Variants in KIAA1328 observed in about 807,000 individuals in gnomAD.
The protein encoded by KIAA1328 is protein hinderin.
A neutral mutation model predicts 68.1 loss-of-function variants in KIAA1328; 52 were observed. That is an observed-to-expected ratio of 0.76 (90% CI 0.61 to 0.96). KIAA1328 has a LOEUF of 0.96. Ranked by LOEUF, KIAA1328 falls within the 40% of genes least tolerant of loss-of-function variation. The probability of loss-of-function intolerance (pLI) is 0.00; values close to 1 mark genes in which losing one functional copy is unlikely to be tolerated. For missense variants in KIAA1328, 641 were observed against 677.6 expected (o/e 0.95, Z 0.60); for synonymous variants, 232 against 239.4 (o/e 0.97, Z 0.28).
chr18:37,068,822 A>G (rs906850698), intron 7 of KIAA1328, among the ~76,000 whole-genome samples: 3 of 151,490 alleles, frequency 2.0e-5, no homozygotes, highest in Admixed American at 2.0e-4. Flanking sequence ...ACAGGCTCTC[A>G]CTCTGTTGCC....
chr18:37,173,303 A>T (rs1230182802), intron 9 of KIAA1328, among the ~76,000 whole-genome samples: 1 of 152,210 alleles, frequency 6.6e-6, no homozygotes, highest in African/African-American at 2.4e-5. Flanking sequence ...AAGGGCTTCC[A>T]TAGAAACCTA....
chr18:36,981,862 G>A (rs374877103), intron 6 of KIAA1328, among the ~76,000 whole-genome samples: 39 of 151,076 alleles, frequency 2.6e-4, no homozygotes, highest in African/African-American at 8.3e-4. Flanking sequence ...AGAAGTGCTG[G>A]GATTATAGGC....
intron 6 of KIAA1328, among the ~76,000 whole-genome samples, chr18:37,024,416 C>T (rs2590867): frequency 0.92 from 138,417 of 150,360 alleles, 64,812 homozygotes; most frequent in East Asian, 1. Flanking sequence ...CTAGGGCACA[C>T]GTGCACAATG....
chr18:37,027,241 A>G (rs1306634632), intron 6 of KIAA1328, among the ~76,000 whole-genome samples: 1 of 152,204 alleles, frequency 6.6e-6, no homozygotes, highest in Non-Finnish European at 1.5e-5. Flanking sequence ...ATGGAAGAAC[A>G]TTCCATGCTC....
chr18:37,160,175 A>G, intron 7 of KIAA1328, 25 bp from the exon 8 acceptor site: 5 of 1,595,094 alleles, frequency 3.1e-6, no homozygotes, highest in Non-Finnish European at 4.3e-6. Context: ...TGCCTTCAAC[A>G]GTTCATTCAT....
intron 6 of KIAA1328, among the ~76,000 whole-genome samples, chr18:37,016,365 T>C (rs1211491489): frequency 1.3e-5 from 2 of 152,056 alleles, no homozygotes; most frequent in Non-Finnish European, 2.9e-5. Context: ...CATAGTGAAT[T>C]AACTTTTGTT....
chr18:37,127,232 A>G (rs2151947139), intron 7 of KIAA1328, among the ~76,000 whole-genome samples: 1 of 152,356 alleles, frequency 6.6e-6, no homozygotes. Context: ...ACAAACTTGA[A>G]TACAAGAATA....
intron 3 of KIAA1328, among the ~76,000 whole-genome samples, chr18:36,836,691 TG>T (rs1384046481): frequency 5.3e-5 from 8 of 152,166 alleles, no homozygotes; most frequent in Non-Finnish European, 1.2e-4. Flanking sequence ...ATTTTGTATG[TG>T]TTTATATTCA....
At chr18:37,184,796 A>G (rs1219903547) in intron 9 of KIAA1328, among the ~76,000 whole-genome samples, 4 of 152,202 alleles carry the variant, frequency 2.6e-5, no homozygotes, top group African/African-American at 9.6e-5. Context: ...AGAATAAAGT[A>G]TGAAGAAATG....
chr18:37,096,031 G>A (rs1054885533), intron 7 of KIAA1328, among the ~76,000 whole-genome samples: 1 of 151,808 alleles, frequency 6.6e-6, no homozygotes, highest in African/African-American at 2.4e-5. Flanking sequence ...CGAACTGGGT[G>A]GCTTTACTGC....
At chr18:36,935,926 C>T (rs2050482714) in intron 5 of KIAA1328, among the ~76,000 whole-genome samples, 2 of 152,136 alleles carry the variant, frequency 1.3e-5, no homozygotes, top group African/African-American at 4.8e-5. Flanking sequence ...TTAGTCCTAT[C>T]ACGACAACTG....
intron 3 of KIAA1328, among the ~76,000 whole-genome samples, chr18:36,840,223 A>T (rs1269337252): frequency 6.6e-6 from 1 of 152,062 alleles, no homozygotes; most frequent in Non-Finnish European, 1.5e-5. Flanking sequence ...TCCAGTGATC[A>T]TTCTGTGTTG....
chr18:37,034,427 T>C (rs2054950819), intron 6 of KIAA1328, among the ~76,000 whole-genome samples: 1 of 152,146 alleles, frequency 6.6e-6, no homozygotes, highest in Non-Finnish European at 1.5e-5. Context: ...TAAAATGGAA[T>C]AAAGAGTTGA....
At position 37,067,555 on chromosome 18, in the gene KIAA1328, G is replaced by T; in HGVS notation, c.1232+10G>T. 1 of 1,459,920 alleles carries T rather than the reference G, an allele frequency of 6.8e-7. No individual in the cohort carries two copies. Among genetic ancestry groups the T allele is most frequent in the African/African-American group, 1.5e-5 (1 of 65,958 alleles). The allele number at this position is 1,459,920 out of a possible 1,614,324, so 90.4% of individuals were successfully genotyped here. A position where few individuals can be genotyped will look rare whatever the true frequency, so the allele number is the denominator to read the frequency against. On this transcript the variant is annotated intron_variant, in intron 7 of 9. Coordinates refer to ENST00000280020, the MANE Select transcript of KIAA1328 (RefSeq NM_020776.3). ...GACTGGATTACAATTGGTGAGTACT[G>T]CCTGTTCTTTTTTTTTTTTTTTTGA...
At chr18:37,034,039 T>C (rs322649) in intron 6 of KIAA1328, among the ~76,000 whole-genome samples, 111,376 of 152,064 alleles carry the variant, frequency 0.73, 43,944 homozygotes, top group South Asian at 0.89. Context: ...AGTGTGTTCC[T>C]TGTTACTCCA....
At chr18:37,164,322 C>T (rs1275730470) in intron 8 of KIAA1328, among the ~76,000 whole-genome samples, 1 of 152,186 alleles carries the variant, frequency 6.6e-6, no homozygotes, top group Non-Finnish European at 1.5e-5. Context: ...AGGACCTACT[C>T]AGGTAGACTT....
chr18:36,891,732 A>G (rs1250633656), intron 5 of KIAA1328, among the ~76,000 whole-genome samples: 1 of 152,138 alleles, frequency 6.6e-6, no homozygotes, highest in African/African-American at 2.4e-5. Flanking sequence ...GCTTGGGCCC[A>G]TATTTTTGCT....
At chr18:37,206,779 C>A (rs2154219902) in intron 9 of KIAA1328, among the ~76,000 whole-genome samples, 1 of 152,170 alleles carries the variant, frequency 6.6e-6, no homozygotes, top group East Asian at 1.9e-4. Context: ...ACTAAGATAA[C>A]CAAGTCCTCA....
intron 4 of KIAA1328, among the ~76,000 whole-genome samples, chr18:36,883,431 A>G (rs2048384288): frequency 6.6e-6 from 1 of 152,326 alleles, no homozygotes; most frequent in Admixed American, 6.5e-5. Context: ...ATTTTTGAGC[A>G]TGCCCAAATT....
Sources: gnomAD v4.1 joint callset for allele counts (sites outside exome capture counted in the v4.1 genomes callset) on GRCh38, gnomAD v4.1.1 for gene constraint, MANE v1.5 for transcripts, NCBI Gene and HGNC (gene_info 2026-07-23, HGNC 2026-07-21) for gene names.